ATL2: variants seen among roughly 807,000 people sequenced by gnomAD.
The protein encoded by ATL2 is atlastin GTPase 2, also known as atlastin-2.
Under a neutral mutation model 73.9 loss-of-function variants are expected in ATL2, and 31 were observed. The observed-to-expected ratio is 0.42, with a 90% CI of 0.32 to 0.57. ATL2 has a LOEUF of 0.57. ATL2 is among the 20% of genes least tolerant of loss of function. The pLI is 0.14. For synonymous variants in ATL2, 291 were observed against 237.5 expected (o/e 1.23, Z -2.07); for missense variants, 738 against 702.6 (o/e 1.05, Z -0.57).
intron 2 of ATL2, among the ~76,000 whole-genome samples, chr2:38,323,353 T>G (rs1479290893): frequency 1.8e-5 from 2 of 109,258 alleles, no homozygotes; most frequent in Non-Finnish European, 3.3e-5. Context: ...CCAGAAGTTT[T>G]TTTTTTTTTT....
Position 38,343,709 on chromosome 2 carries a change from GT to G in ATL2, c.119-198del, listed in dbSNP as rs1275268441. ...CTGATAAGATTTCCCACTTGATATG[GT>G]TGGCTGTGTCCCCACCCAAATCTCA... is the stretch of plus-strand genomic sequence containing the variant. On this transcript the variant is annotated intron_variant, in intron 1 of 12. Transcript: ENST00000378954. Among the ~76,000 whole-genome samples, 3 of 152,146 alleles carry G rather than the reference GT, an allele frequency of 2.0e-5. No homozygotes were observed. In the East Asian group the frequency reaches 5.8e-4, roughly 29 times the overall value.
chr2:38,358,282 G>C (rs1670794226), intron 1 of ATL2, among the ~76,000 whole-genome samples: 1 of 152,066 alleles, frequency 6.6e-6, no homozygotes, highest in Admixed American at 6.6e-5. Context: ...TTTTTCCTGG[G>C]AGACTGCTAA....
At chr2:38,357,321 C>T (rs1023827633) in intron 1 of ATL2, among the ~76,000 whole-genome samples, 22 of 151,394 alleles carry the variant, frequency 1.5e-4, no homozygotes, top group African/African-American at 4.4e-4. Flanking sequence ...AGGAAGACTC[C>T]GTCTCAAAAA....
At chr2:38,332,125 C>T (rs1254182197) in intron 2 of ATL2, among the ~76,000 whole-genome samples, 3 of 152,096 alleles carry the variant, frequency 2.0e-5, no homozygotes, top group Non-Finnish European at 2.9e-5. Flanking sequence ...AATAGATTAG[C>T]GGTTCCTTCA....
chr2:38,354,933 A>G (rs938431578), intron 1 of ATL2, among the ~76,000 whole-genome samples: 1 of 152,120 alleles, frequency 6.6e-6, no homozygotes, highest in Admixed American at 6.6e-5. Context: ...CCAAAATAAA[A>G]TAGTAAAAAA....
intron 10 of ATL2, among the ~76,000 whole-genome samples, chr2:38,299,701 T>G (rs909315373): frequency 8.5e-5 from 13 of 152,182 alleles, no homozygotes; most frequent in Non-Finnish European, 1.9e-4. Context: ...CAAGACATTT[T>G]CAAACCCACA....
At chr2:38,353,719 T>C (rs1339532766) in intron 1 of ATL2, among the ~76,000 whole-genome samples, 1 of 152,208 alleles carries the variant, frequency 6.6e-6, no homozygotes, top group Non-Finnish European at 1.5e-5. Context: ...GTAATAATTA[T>C]ACAATTATAC....
At chr2:38,318,149 G>A (rs1377209651) in intron 4 of ATL2, among the ~76,000 whole-genome samples, 2 of 151,964 alleles carry the variant, frequency 1.3e-5, no homozygotes, top group Non-Finnish European at 2.9e-5. Context: ...AACATAGTGA[G>A]AATCCATCTC....
At chr2:38,373,549 T>C (rs746054175) in intron 1 of ATL2, among the ~76,000 whole-genome samples, 2 of 152,206 alleles carry the variant, frequency 1.3e-5, no homozygotes, top group Non-Finnish European at 2.9e-5. Context: ...TTTTATGACT[T>C]AAAAGTTGTT....
Position 38,299,283 on chromosome 2 carries a change from T to C in ATL2, c.1173A>G (p.Arg391=), listed in dbSNP as rs1667064745. 2 of 1,521,180 alleles carry C rather than the reference T, an allele frequency of 1.3e-6. No individual in the cohort carries two copies. Among genetic ancestry groups the C allele is most frequent in the Non-Finnish European group, 1.7e-6 (2 of 1,146,292 alleles). 94.2% of individuals were successfully genotyped at this position (1,521,180 alleles called of 1,614,324 possible). A position where few individuals can be genotyped will look rare whatever the true frequency, so the allele number is the denominator to read the frequency against. Residue 391 remains arginine (R), a synonymous_variant, in exon 11 of 13, where the codon AGA becomes AGG. Coordinates refer to ENST00000378954, the MANE Select transcript of ATL2 (RefSeq NM_001135673.4). Reference sequence around the variant, plus strand: ...GTTCCATACTTTTACAATAGGTATCTCTTGCTCCTGCTACTGCAGCAAGAT... The same window carrying C: ...GTTCCATACTTTTACAATAGGTATCCCTTGCTCCTGCTACTGCAGCAAGAT... ...ANNLAAVAGA[R]DTYCKSMEQV... is the part of the protein sequence containing the mutation.
chr2:38,332,083 T>C (rs10175905), intron 2 of ATL2, among the ~76,000 whole-genome samples: 64,138 of 151,992 alleles, frequency 0.42, 15,781 homozygotes, highest in African/African-American at 0.7. Flanking sequence ...TTTTTTAAGA[T>C]TCAACTTACA....
At chr2:38,334,163 G>C (rs1018227711) in intron 2 of ATL2, among the ~76,000 whole-genome samples, 5 of 151,044 alleles carry the variant, frequency 3.3e-5, no homozygotes, top group African/African-American at 1.2e-4. Flanking sequence ...CTGAGTAGCT[G>C]AGATTACAGG....
intron 1 of ATL2, chr2:38,358,382 AC>A (rs1670799154): frequency 6.5e-6 from 1 of 154,944 alleles, no homozygotes; most frequent in Non-Finnish European, 1.4e-5. Flanking sequence ...AACAATCTCT[AC>A]TTAAAAAAGG....
chr2:38,331,183 C>A (rs1445607957), intron 2 of ATL2, among the ~76,000 whole-genome samples: 7 of 151,934 alleles, frequency 4.6e-5, no homozygotes, highest in Admixed American at 2.6e-4. Flanking sequence ...GCCTGTAATC[C>A]CATCACTTTG....
chr2:38,375,024 T>G (rs778154408), intron 1 of ATL2, among the ~76,000 whole-genome samples: 1 of 152,168 alleles, frequency 6.6e-6, no homozygotes, highest in South Asian at 2.1e-4. Context: ...CTAAATAGAT[T>G]TAATCATATC....
At chr2:38,362,230 G>A (rs965208756) in intron 1 of ATL2, among the ~76,000 whole-genome samples, 2 of 152,130 alleles carry the variant, frequency 1.3e-5, no homozygotes, top group African/African-American at 4.8e-5. Flanking sequence ...TAAAGTTCCA[G>A]ATTAAACTAG....
At chr2:38,367,569 C>T (rs1241071846) in intron 1 of ATL2, among the ~76,000 whole-genome samples, 3 of 101,660 alleles carry the variant, frequency 3.0e-5, no homozygotes, top group Admixed American at 1.6e-4. Context: ...CACTCCAGCC[C>T]GGGGAACAGA....
intron 1 of ATL2, chr2:38,353,949 T>G (rs928697428): frequency 2.6e-5 from 5 of 193,036 alleles, no homozygotes; most frequent in African/African-American, 1.2e-4. Context: ...TCCCAGCACT[T>G]TGGGCGGCCA....
intron 9 of ATL2, among the ~76,000 whole-genome samples, chr2:38,306,485 A>C (rs528563043): frequency 6.6e-6 from 1 of 152,338 alleles, no homozygotes; most frequent in Non-Finnish European, 1.5e-5. Context: ...AAAATCCTCA[A>C]CAAAATACTA....
Sources: gnomAD v4.1 joint callset for allele counts (sites outside exome capture counted in the v4.1 genomes callset) on GRCh38, gnomAD v4.1.1 for gene constraint, MANE v1.5 for transcripts, NCBI Gene and HGNC (gene_info 2026-07-23, HGNC 2026-07-21) for gene names.